Variants in MEF2B observed in about 807,000 individuals in gnomAD.
MEF2B encodes myocyte-specific enhancer factor 2B.
A neutral mutation model predicts 32.2 loss-of-function variants in MEF2B; 15 were observed. The observed-to-expected ratio is 0.47, with a 90% CI of 0.31 to 0.72. MEF2B has a LOEUF of 0.72. Ranked by LOEUF, MEF2B falls within the 30% of genes least tolerant of loss-of-function variation. The probability of loss-of-function intolerance (pLI) is 0.05; values close to 1 mark genes in which losing one functional copy is unlikely to be tolerated. For synonymous variants in MEF2B, 205 were observed against 225.6 expected (o/e 0.91, Z 0.82); for missense variants, 441 against 511.5 (o/e 0.86, Z 1.33).
At chr19:19,162,095 C>A (rs150267808) in intron 1 of MEF2B, among the ~76,000 whole-genome samples, 1 of 151,768 alleles carries the variant, frequency 6.6e-6, no homozygotes, top group South Asian at 2.1e-4. Context: ...GGCCACCATA[C>A]CTGGCTGGGT....
chr19:19,147,879 C>T, intron 3 of MEF2B, 47 bp from the exon 4 acceptor site: 1 of 1,579,610 alleles, frequency 6.3e-7, no homozygotes, highest in Non-Finnish European at 8.6e-7. Flanking sequence ...CCTACCCCAC[C>T]CAGGGAACCC....
chr19:19,161,776 G>A (rs1414901453), intron 1 of MEF2B, among the ~76,000 whole-genome samples: 1 of 143,358 alleles, frequency 7.0e-6, no homozygotes, highest in African/African-American at 2.6e-5. Context: ...CATCCCTGCA[G>A]TGATACCACC....
At chr19:19,154,353 G>A (rs996517465) in intron 1 of MEF2B, among the ~76,000 whole-genome samples, 1 of 151,758 alleles carries the variant, frequency 6.6e-6, no homozygotes, top group Non-Finnish European at 1.5e-5. Context: ...TAGTAAAGAT[G>A]GTGTTTCACC....
At position 19,149,286 on chromosome 19, in the gene MEF2B, C is replaced by T. The variant is rs766526202; in HGVS notation, c.198G>A (p.Leu66=). 5.6e-6 allele frequency: 9 copies of T among 1,613,950 alleles called. No individual in the cohort carries two copies. The highest frequency in any genetic ancestry group is 6.8e-6 in the Non-Finnish European group (8 of 1,180,018). Reference sequence around the variant, plus strand: ...GCTCGCTGTACTCTGTGTACTTCAGCAGCACACGGTCCATGTCCGTGCTGG... The same window carrying T: ...GCTCGCTGTACTCTGTGTACTTCAGTAGCACACGGTCCATGTCCGTGCTGG... ...QYASTDMDRV[L]LKYTEYSEPH... Residue 66 remains leucine (L), a synonymous_variant, in exon 3 of 9, where the codon CTG becomes CTA. Transcript: ENST00000424583.
rs1211934336 is a variant in MEF2B at position 19,146,252 on chromosome 19, C to G, written c.881+21G>C. ...CGGGGCTTTGGAGGACTGGGACTTGCCGTCGTCTCAGGGCACTTACCTGGG... is the reference window on the plus strand; with the variant it reads ...CGGGGCTTTGGAGGACTGGGACTTGGCGTCGTCTCAGGGCACTTACCTGGG... On this transcript the variant is annotated intron_variant, in intron 8 of 8. Transcript: ENST00000424583. The G allele has an allele frequency of 9.0e-6, 10 of 1,113,648 alleles. No individual in the cohort carries two copies. In the South Asian group the frequency reaches 1.9e-4, roughly 21 times the overall value. The allele number at this position is 1,113,648 out of a possible 1,614,324, so 69.0% of individuals were successfully genotyped here.
chr19:19,159,242 A>T (rs908905512), intron 1 of MEF2B, among the ~76,000 whole-genome samples: 1 of 30,626 alleles, frequency 3.3e-5, no homozygotes, highest in African/African-American at 1.9e-4. Flanking sequence ...TGCGTGGCCT[A>T]AAAAAAAAAA....
At chr19:19,165,447 G>C (rs886083826) in intron 1 of MEF2B, among the ~76,000 whole-genome samples, 9 of 152,164 alleles carry the variant, frequency 5.9e-5, no homozygotes, top group African/African-American at 1.7e-4. Flanking sequence ...TGTCTCTGAG[G>C]TGTCTCAGGG....
chr19:19,158,541 T>C (rs1484798814), intron 1 of MEF2B, among the ~76,000 whole-genome samples: 2 of 147,724 alleles, frequency 1.4e-5, no homozygotes, highest in African/African-American at 2.5e-5. Flanking sequence ...GAGGATCACT[T>C]GAGCCCAGGA....
rs550626794 is a variant in MEF2B, at chr19:19,151,372, G to T, written c.-29-608C>A. Among the ~76,000 whole-genome samples the T allele has an allele frequency of 2.6e-5, 4 of 152,212 alleles. No homozygotes were observed. The South Asian group carries it at 8.3e-4, about 32-fold the overall frequency. ...AGGGTGTGGGCCTGGCATCCACTTGGTGACTTGGAAGAAATCCTGTACCCC... is the reference window on the plus strand; with the variant it reads ...AGGGTGTGGGCCTGGCATCCACTTGTTGACTTGGAAGAAATCCTGTACCCC... On this transcript the variant is annotated intron_variant, in intron 1 of 8. Coordinates refer to ENST00000424583, the MANE Select transcript of MEF2B (RefSeq NM_001145785.2).
chr19:19,146,892 C>T lies in MEF2B; in HGVS notation c.542-17G>A. 6.2e-7 allele frequency: 1 copy of T among 1,605,850 alleles called. No homozygotes were observed. The highest frequency in any genetic ancestry group is 8.5e-7 in the Non-Finnish European group (1 of 1,175,976). On this transcript the variant is annotated splice_polypyrimidine_tract_variant and intron_variant, in intron 5 of 8. Coordinates refer to ENST00000424583, the MANE Select transcript of MEF2B (RefSeq NM_001145785.2). ...GCACCAGGCCTGGGGAAGAGGAGACCCCAGAGAGAGAGGACAGGCAGGCCA... is the reference window on the plus strand; with the variant it reads ...GCACCAGGCCTGGGGAAGAGGAGACTCCAGAGAGAGAGGACAGGCAGGCCA...
rs146116000 is a variant in MEF2B, at chr19:19,152,635, C to T, written c.-29-1871G>A. ...AGGAGAATCCCTTGAACCTGGGAGG[C>T]GGAGGTTGCAGTGAGCCGAGATCCC... is the stretch of plus-strand genomic sequence containing the variant. On this transcript the variant is annotated intron_variant, in intron 1 of 8. Coordinates refer to ENST00000424583, the MANE Select transcript of MEF2B (RefSeq NM_001145785.2). 8.3e-3 allele frequency among the ~76,000 whole-genome samples: 1,261 copies of T among 152,218 alleles called. 18 individuals carry two copies. The highest frequency in any genetic ancestry group is 0.028 in the African/African-American group (1,166 of 41,558).
At chr19:19,150,553 A>T (rs2060070690) in intron 2 of MEF2B, 129 bp downstream of exon 2, 2 of 1,100,938 alleles carry the variant, frequency 1.8e-6, no homozygotes, top group Non-Finnish European at 2.5e-6. Context: ...AGAAAGGCTG[A>T]CATGGCATCA....
rs545162425 is a variant in MEF2B at position 19,157,618 on chromosome 19, C to T, written c.-29-6854G>A. ...ATCCCAGCACTTTGGGAGGCCAAGG[C>T]GGGCAGATCACTGGAGGTCAGGAGT... On this transcript the variant is annotated intron_variant, in intron 1 of 8. Transcript: ENST00000424583. 1.5e-3 allele frequency among the ~76,000 whole-genome samples: 226 copies of T among 152,260 alleles called. 1 individual carries two copies. Among genetic ancestry groups the T allele is most frequent in the Non-Finnish European group, 1.8e-3 (121 of 68,016 alleles).
chr19:19,166,487 G>T (rs11669860), intron 1 of MEF2B, among the ~76,000 whole-genome samples: 1 of 151,682 alleles, frequency 6.6e-6, no homozygotes, highest in Non-Finnish European at 1.5e-5. Flanking sequence ...CATCTGGTTG[G>T]GCTCATGCCT....
intron 1 of MEF2B, among the ~76,000 whole-genome samples, chr19:19,151,658 G>A (rs1370319378): frequency 6.6e-6 from 1 of 152,142 alleles, no homozygotes; most frequent in Non-Finnish European, 1.5e-5. Flanking sequence ...TTCAGGCAAG[G>A]GGCCTCTCCA....
rs115935726 is a variant in MEF2B, at chr19:19,146,081, G to C, written c.882-59C>G. 8.2e-5 allele frequency: 111 copies of C among 1,345,678 alleles called. No individual in the cohort carries two copies. In the African/African-American group the frequency reaches 1.5e-3, roughly 18 times the overall value. 83.4% of individuals were successfully genotyped at this position (1,345,678 alleles called of 1,614,324 possible). ...TCAGCGAGGAAGGGAAGGAAGCCAG[G>C]GGATGGCACAGCGTGGGCAAAGGCT... On this transcript the variant is annotated intron_variant, in intron 8 of 8. Transcript: ENST00000424583.
intron 1 of MEF2B, among the ~76,000 whole-genome samples, chr19:19,156,647 G>A (rs1365054151): frequency 6.6e-6 from 1 of 152,114 alleles, no homozygotes; most frequent in Non-Finnish European, 1.5e-5. Flanking sequence ...ACGGGATCTA[G>A]CCGAGTCACT....
At chr19:19,146,225 G>T in intron 8 of MEF2B, 48 bp downstream of exon 8, 2 of 909,442 alleles carry the variant, frequency 2.2e-6, no homozygotes, top group Non-Finnish European at 3.1e-6. Context: ...GTCAGCAGCG[G>T]CCGGGGCTTT....
chr19:19,157,510 T>C lies in MEF2B; in HGVS notation c.-29-6746A>G, dbSNP rs543502145. On this transcript the variant is annotated intron_variant, in intron 1 of 8. Transcript: ENST00000424583. Reference sequence around the variant, plus strand: ...ACGATCCCAGACTCCATCGAGAAGATGCACTGTGTGATTTTATTTACATGA... The same window carrying C: ...ACGATCCCAGACTCCATCGAGAAGACGCACTGTGTGATTTTATTTACATGA... Among the ~76,000 whole-genome samples the C allele has an allele frequency of 2.6e-5, 4 of 152,182 alleles. No individual in the cohort carries two copies. In the South Asian group the frequency reaches 8.3e-4, roughly 32 times the overall value.
Sources: gnomAD v4.1 joint callset for allele counts (sites outside exome capture counted in the v4.1 genomes callset) on GRCh38, gnomAD v4.1.1 for gene constraint, MANE v1.5 for transcripts, NCBI Gene and HGNC (gene_info 2026-07-23, HGNC 2026-07-21) for gene names.